The following RNF213 variants were observed in gnomAD, a reference collection of about 807,000 sequenced individuals.
RNF213 encodes E3 ubiquitin-protein ligase RNF213.
A neutral mutation model predicts 514.4 loss-of-function variants in RNF213; 341 were observed. The ratio of observed to expected loss-of-function variants is 0.66; its 90% CI spans 0.61 to 0.73. RNF213 has a LOEUF of 0.73. Ranked by LOEUF, RNF213 falls within the 30% of genes least tolerant of loss-of-function variation. The pLI is 0.00. For synonymous variants in RNF213, 2,655 were observed against 2,658.2 expected (o/e 1.00, Z 0.04); for missense variants, 5,767 against 6,615.6 (o/e 0.87, Z 4.45).
In RNF213 at chr17:80,355,253, T is replaced by G. The variant is rs1482790343; in HGVS notation, c.10862+677T>G. Reference sequence around the variant, plus strand: ...TTCCAGGTCCAAGCTTCTGTGCCAGTGATAGGTTCGCTTTGGGCCTACAGC... The same window carrying G: ...TTCCAGGTCCAAGCTTCTGTGCCAGGGATAGGTTCGCTTTGGGCCTACAGC... On this transcript the variant is annotated intron_variant, in intron 36 of 67. Transcript: ENST00000582970. 12 of 455,334 alleles carry G rather than the reference T, an allele frequency of 2.6e-5. No homozygotes were observed. In the Middle Eastern group the frequency reaches 3.6e-3, roughly 136 times the overall value. The allele number at this position is 455,334 out of a possible 1,614,324, so 28.2% of individuals were successfully genotyped here.
chr17:80,344,750 A>C lies in RNF213; in HGVS notation c.6415A>C (p.Ile2139Leu). 6.2e-7 allele frequency: 1 copy of C among 1,614,172 alleles called. No homozygotes were observed. Among genetic ancestry groups the C allele is most frequent in the Non-Finnish European group, 8.5e-7 (1 of 1,180,038 alleles). The change falls in exon 29 of 68, where the codon ATA becomes CTA. Residue 2139 changes from isoleucine (I) to leucine (L), a missense_variant. Transcript: ENST00000582970. ...CACCTGCAGGCCTCCCAAAGAGGTGATAGACATGGAGCTGAGTGCCCTGAG... is the reference window on the plus strand; with the variant it reads ...CACCTGCAGGCCTCCCAAAGAGGTGCTAGACATGGAGCTGAGTGCCCTGAG... ...KVTCRPPKEVIDMELSALRSD... is the reference protein window; with the variant it reads ...KVTCRPPKEVLDMELSALRSD...
chr17:80,386,821 T>A lies in RNF213; in HGVS notation c.14852T>A (p.Phe4951Tyr). Reference sequence around the variant, plus strand: ...GAGGGCAGAGAGACCGTGCAGGAGTTCGATCTGGAGAAGATTCAGCGGCAG... The same window carrying A: ...GAGGGCAGAGAGACCGTGCAGGAGTACGATCTGGAGAAGATTCAGCGGCAG... ...VEEGRETVQE[F>Y]DLEKIQRQIV... The change falls in exon 63 of 68, where the codon TTC becomes TAC. Residue 4951 changes from phenylalanine (F) to tyrosine (Y), a missense_variant. Coordinates refer to ENST00000582970, the MANE Select transcript of RNF213 (RefSeq NM_001256071.3). The A allele has an allele frequency of 6.2e-7, 1 of 1,614,176 alleles. No homozygotes were observed. Among genetic ancestry groups the A allele is most frequent in the Non-Finnish European group, 8.5e-7 (1 of 1,180,024 alleles).
rs797002174 is a variant in RNF213, at chr17:80,331,996, G to A, written c.3518-10G>A. On this transcript the variant is annotated splice_polypyrimidine_tract_variant and intron_variant, in intron 20 of 67. Coordinates refer to ENST00000582970, the MANE Select transcript of RNF213 (RefSeq NM_001256071.3). ...CTTTGACTTCTGACACTTTCTTTTC[G>A]CTTCTAAAGTGGACTTTGGAGTGCT... 2.1e-5 allele frequency: 32 copies of A among 1,524,962 alleles called. No homozygotes were observed. The highest frequency in any genetic ancestry group is 1.7e-4 in the African/African-American group (12 of 72,706). The allele number at this position is 1,524,962 out of a possible 1,614,324, so 94.5% of individuals were successfully genotyped here. A position where few individuals can be genotyped will look rare whatever the true frequency, so the allele number is the denominator to read the frequency against.
At position 80,347,133 on chromosome 17, in the gene RNF213, C is replaced by T. The variant is rs768103241; in HGVS notation, c.8798C>T (p.Ala2933Val). The change falls in exon 29 of 68, where the codon GCG (alanine) becomes GTG (valine). Residue 2933 changes from alanine (A) to valine (V), a missense_variant. This residue lies in a region of RNF213 where 919 missense variants were observed against 1,121.0 expected (regional missense o/e 0.82). Coordinates refer to ENST00000582970, the MANE Select transcript of RNF213 (RefSeq NM_001256071.3). The surrounding 1 kb of genome is among the most constrained non-coding windows in gnomAD (Gnocchi z 7.2). ...LVQDRVQGYFASFAKAYETVC... is the reference protein window; with the variant it reads ...LVQDRVQGYFVSFAKAYETVC... ...CAGGACCGAGTCCAAGGGTACTTTG[C>T]GTCCTTTGCCAAAGCCTACGAAACG... 25 of 1,613,894 alleles carry T rather than the reference C, an allele frequency of 1.5e-5. No homozygotes were observed. The Middle Eastern group carries it at 4.9e-4, about 32-fold the overall frequency.
intron 15 of RNF213, among the ~76,000 whole-genome samples, chr17:80,314,156 G>C (rs1376482412): frequency 3.1e-5 from 4 of 127,716 alleles, no homozygotes; most frequent in African/African-American, 1.0e-4. Flanking sequence ...TGATGGTGGT[G>C]GTGTAGGTGA....
At position 80,319,264 on chromosome 17, in the gene RNF213, C is replaced by T. The variant is rs1312614797; in HGVS notation, c.2976C>T (p.Ala992=). The T allele has an allele frequency of 1.9e-6, 3 of 1,614,150 alleles. No homozygotes were observed. Among genetic ancestry groups the T allele is most frequent in the South Asian group, 2.2e-5 (2 of 91,078 alleles). ...CCAAAGGCTTAGAGGACAGTGTGGCCAAGACCTTCGAGAAATGCATCATTG... is the reference window on the plus strand; with the variant it reads ...CCAAAGGCTTAGAGGACAGTGTGGCTAAGACCTTCGAGAAATGCATCATTG... ...WDTKGLEDSV[A]KTFEKCIIEA... is the part of the protein sequence containing the mutation. The change falls in exon 17 of 68, where the codon GCC becomes GCT. Residue 992 remains alanine, a synonymous_variant. Transcript: ENST00000582970.
At chr17:80,278,118 G>T (rs1329119056) in intron 3 of RNF213, among the ~76,000 whole-genome samples, 1 of 152,250 alleles carries the variant, frequency 6.6e-6, no homozygotes, top group Non-Finnish European at 1.5e-5. Flanking sequence ...GGTGAGGGAA[G>T]AGGAGACTGC....
At chr17:80,336,986 A>T (rs1256363559) in intron 23 of RNF213, 2 of 170,678 alleles carry the variant, frequency 1.2e-5, no homozygotes, top group Non-Finnish European at 2.5e-5. Flanking sequence ...TACGCAGCTT[A>T]ACTAGATACC....
chr17:80,352,650 T>C (rs2078569184), intron 32 of RNF213: 2 of 607,022 alleles, frequency 3.3e-6, no homozygotes, highest in Middle Eastern at 2.6e-4. Context: ...CAACAATGCA[T>C]GGGTGAAAGA....
At chr17:80,303,236 T>C (rs78323445) in intron 11 of RNF213, among the ~76,000 whole-genome samples, 10,690 of 152,260 alleles carry the variant, frequency 0.07, 522 homozygotes, top group East Asian at 0.22. Flanking sequence ...TCCCCTAGCC[T>C]GGAGGCTCAG....
At chr17:80,292,009 T>A in intron 8 of RNF213, 182 bp downstream of exon 8, 1 of 699,080 alleles carries the variant, frequency 1.4e-6, no homozygotes, top group Non-Finnish European at 2.5e-6. Flanking sequence ...GTGTCTCTGG[T>A]TGGTTAAAGA....
chr17:80,326,290 TG>T (rs1236095976), intron 18 of RNF213, among the ~76,000 whole-genome samples: 6 of 152,134 alleles, frequency 3.9e-5, no homozygotes, highest in Admixed American at 3.9e-4. Context: ...ATACCCAGCC[TG>T]TTTATAAGTT....
chr17:80,294,090 T>A (rs2044847398), intron 8 of RNF213, among the ~76,000 whole-genome samples: 1 of 152,210 alleles, frequency 6.6e-6, no homozygotes, highest in Non-Finnish European at 1.5e-5. Context: ...ACCCTGTCAT[T>A]GACATCTTGG....
chr17:80,290,503 G>T (rs2044680255), intron 6 of RNF213, 67 bp from the exon 7 acceptor site: 1 of 1,585,784 alleles, frequency 6.3e-7, no homozygotes, highest in Non-Finnish European at 8.6e-7. Flanking sequence ...GTGTGCGCGT[G>T]TGTGCATGCA....
chr17:80,354,634 G>C, intron 36 of RNF213, 58 bp downstream of exon 36: 1 of 1,599,204 alleles, frequency 6.3e-7, no homozygotes, highest in Non-Finnish European at 8.6e-7. Context: ...ATGGGGACCT[G>C]CCTGCAGGGA....
intron 49 of RNF213, among the ~76,000 whole-genome samples, chr17:80,373,373 G>C (rs966372719): frequency 6.7e-6 from 1 of 150,250 alleles, no homozygotes; most frequent in Non-Finnish European, 1.5e-5. Context: ...CTGCTTCCGC[G>C]TTCCGCCTGC....
chr17:80,376,669 G>A, intron 52 of RNF213, 126 bp downstream of exon 52: 1 of 1,377,754 alleles, frequency 7.3e-7, no homozygotes, highest in Non-Finnish European at 1.0e-6. Context: ...CTGCCTTTGT[G>A]TCACCTGATT....
chr17:80,393,805 T>G lies in RNF213; in HGVS notation c.*307T>G. On this transcript the variant is annotated 3_prime_UTR_variant, in exon 68 of 68. Coordinates refer to ENST00000582970, the MANE Select transcript of RNF213 (RefSeq NM_001256071.3). ...CAACATTGTTTACATTCCAGGAGACTTGTAGCTCAGCCACACACGCAGTAA... is the reference window on the plus strand; with the variant it reads ...CAACATTGTTTACATTCCAGGAGACGTGTAGCTCAGCCACACACGCAGTAA... The G allele has an allele frequency of 2.7e-6, 1 of 371,834 alleles. No homozygotes were observed. Among genetic ancestry groups the G allele is most frequent in the South Asian group, 2.3e-5 (1 of 43,272 alleles). 23.0% of individuals were successfully genotyped at this position (371,834 alleles called of 1,614,324 possible).
rs909417422 is a variant in RNF213 at position 80,372,444 on chromosome 17, A to G, written c.12538-77A>G. On this transcript the variant is annotated intron_variant, in intron 47 of 67. Transcript: ENST00000582970. ...TCTATCCTTCCTTCTCCACAGTCAC[A>G]TTGGCGACTGTAGAAGCTTGGGGCA... The G allele has an allele frequency of 8.8e-6, 9 of 1,028,444 alleles. No homozygotes were observed. The East Asian group carries it at 2.3e-4, about 26-fold the overall frequency. 63.7% of individuals were successfully genotyped at this position (1,028,444 alleles called of 1,614,324 possible).
Sources: allele counts gnomAD v4.1 joint callset (sites outside exome capture counted in the v4.1 genomes callset), GRCh38; gene constraint gnomAD v4.1.1; regional missense constraint gnomAD v4.1.1; non-coding constraint Gnocchi (gnomAD v3.1); transcripts MANE v1.5; gene names NCBI Gene and HGNC (gene_info 2026-07-23, HGNC 2026-07-21).